FARP1: variants seen among roughly 807,000 people sequenced by gnomAD.
The protein encoded by FARP1 is FERM, ARH/RhoGEF and pleckstrin domain protein 1, also known as FERM, ARHGEF and pleckstrin domain-containing protein 1.
Under a neutral mutation model 128.8 loss-of-function variants are expected in FARP1, and 52 were observed. The ratio of observed to expected loss-of-function variants is 0.40; its 90% CI spans 0.32 to 0.51. FARP1 has a LOEUF of 0.51. FARP1 is among the 20% of genes least tolerant of loss of function. The probability of loss-of-function intolerance (pLI) is 0.45; values close to 1 mark genes in which losing one functional copy is unlikely to be tolerated. For missense variants in FARP1, 1,333 were observed against 1,367.9 expected, an observed-to-expected ratio of 0.97 and a Z score of 0.40; for synonymous variants, 580 against 551.8, an observed-to-expected ratio of 1.05 and a Z score of -0.72.
chr13:98,214,166 G>C (rs2139330776), intron 2 of FARP1, among the ~76,000 whole-genome samples: 1 of 152,292 alleles, frequency 6.6e-6, no homozygotes, highest in Non-Finnish European at 1.5e-5. Flanking sequence ...GCCCCTGCCT[G>C]GCCTCTCCCA....
At chr13:98,217,405 G>T (rs1244140605) in intron 2 of FARP1, among the ~76,000 whole-genome samples, 1 of 152,158 alleles carries the variant, frequency 6.6e-6, no homozygotes, top group Non-Finnish European at 1.5e-5. Flanking sequence ...AGCCCCCCAG[G>T]AGAGCAGGGG....
At chr13:98,279,347 A>G (rs1388139456) in intron 2 of FARP1, among the ~76,000 whole-genome samples, 1 of 141,872 alleles carries the variant, frequency 7.0e-6, no homozygotes, top group Non-Finnish European at 1.5e-5. Context: ...TGTTGAAATA[A>G]TAATGATTGT....
At chr13:98,265,342 C>T (rs1341270516) in intron 2 of FARP1, among the ~76,000 whole-genome samples, 20 of 56,916 alleles carry the variant, frequency 3.5e-4, no homozygotes, top group Admixed American at 7.8e-4. Flanking sequence ...TTTTTTGAGA[C>T]GGAGTCTCGC....
chr13:98,348,208 C>G (rs1210627774), intron 3 of FARP1, among the ~76,000 whole-genome samples: 1 of 152,220 alleles, frequency 6.6e-6, no homozygotes, highest in African/African-American at 2.4e-5. Flanking sequence ...AGTGTTGACA[C>G]GCAAGCTTGG....
At chr13:98,374,597 C>T (rs1889499852) in intron 5 of FARP1, among the ~76,000 whole-genome samples, 1 of 152,198 alleles carries the variant, frequency 6.6e-6, no homozygotes, top group Non-Finnish European at 1.5e-5. Flanking sequence ...ATCCTACTTT[C>T]TGAATTTGCC....
intron 2 of FARP1, among the ~76,000 whole-genome samples, chr13:98,243,465 G>T (rs965207615): frequency 6.6e-6 from 1 of 151,956 alleles, no homozygotes; most frequent in Non-Finnish European, 1.5e-5. Flanking sequence ...GAAGGCTGAG[G>T]GGGGTGGATC....
intron 16 of FARP1, among the ~76,000 whole-genome samples, chr13:98,422,884 G>T (rs772969856): frequency 3.9e-5 from 6 of 152,136 alleles, no homozygotes; most frequent in Non-Finnish European, 7.3e-5. Context: ...GGGTTCTCTA[G>T]AGGGACAGAG....
chr13:98,172,552 A>C (rs9517206), intron 1 of FARP1, among the ~76,000 whole-genome samples: 23,682 of 152,124 alleles, frequency 0.16, 2,348 homozygotes, highest in Middle Eastern at 0.25. Flanking sequence ...TTCAACAGAC[A>C]GAAGCAGAGA....
intron 2 of FARP1, among the ~76,000 whole-genome samples, chr13:98,264,831 T>C (rs958229394): frequency 6.6e-6 from 1 of 152,212 alleles, no homozygotes; most frequent in African/African-American, 2.4e-5. Flanking sequence ...TCGAATAGAA[T>C]TACTATTCGA....
chr13:98,266,516 T>G (rs932714180), intron 2 of FARP1, among the ~76,000 whole-genome samples: 7 of 152,172 alleles, frequency 4.6e-5, no homozygotes, highest in African/African-American at 1.7e-4. Flanking sequence ...GGTGTGAACA[T>G]TAACCCAGAA....
rs117393453 is a variant in FARP1 at position 98,315,177 on chromosome 13, G to A, written c.172-28585G>A. On this transcript the variant is annotated intron_variant, in intron 2 of 26. Coordinates refer to ENST00000319562, the MANE Select transcript of FARP1 (RefSeq NM_005766.4). Reference sequence around the variant, plus strand: ...ACAGGGTCTTGCCCTGTCACTCAGGGTGGAGTGCTGTGGTGTGATTCTGGC... The same window carrying A: ...ACAGGGTCTTGCCCTGTCACTCAGGATGGAGTGCTGTGGTGTGATTCTGGC... Among the ~76,000 whole-genome samples the A allele has an allele frequency of 8.0e-3, 1,211 of 152,244 alleles. 7 individuals are homozygous for A. Among genetic ancestry groups the A allele is most frequent in the Non-Finnish European group, 0.012 (830 of 68,024 alleles).
intron 1 of FARP1, among the ~76,000 whole-genome samples, chr13:98,158,913 T>C (rs912746303): frequency 2.0e-5 from 3 of 152,186 alleles, no homozygotes; most frequent in African/African-American, 7.2e-5. Context: ...GCTCCTCCAT[T>C]CCTTGGAGAG....
chr13:98,192,610 C>A (rs543357638), intron 1 of FARP1, among the ~76,000 whole-genome samples: 1 of 151,912 alleles, frequency 6.6e-6, no homozygotes, highest in Non-Finnish European at 1.5e-5. Context: ...AGGCTGGTCT[C>A]CAACTCCTGA....
intron 2 of FARP1, among the ~76,000 whole-genome samples, chr13:98,308,044 T>TCCC (rs1886260949): frequency 2.5e-4 from 2 of 8,120 alleles, no homozygotes; most frequent in African/African-American, 1.7e-4. Context: ...TTTTTTTTTT[T>TCCC]TTTTTTTTTT....
At chr13:98,379,945 C>G (rs1342447602) in intron 6 of FARP1, among the ~76,000 whole-genome samples, 1 of 152,140 alleles carries the variant, frequency 6.6e-6, no homozygotes, top group African/African-American at 2.4e-5. Context: ...TTTCCTTTAT[C>G]CTTATTCACC....
chr13:98,313,242 T>TACAC (rs71111943), intron 2 of FARP1, among the ~76,000 whole-genome samples: 18,427 of 119,852 alleles, frequency 0.15, 2,007 homozygotes, highest in Non-Finnish European at 0.22. Context: ...TGGGTCATAA[T>TACAC]ACACACACAC....
intron 11 of FARP1, among the ~76,000 whole-genome samples, chr13:98,392,323 C>CAAAAAAAAAAAAAAA (rs11289484): frequency 2.8e-4 from 17 of 60,420 alleles, no homozygotes; most frequent in African/African-American, 9.8e-4. Flanking sequence ...CATCTCTACC[C>CAAAAAAAAAAAAAAA]AAAAAAAAAA....
chr13:98,300,954 C>T (rs925437490), intron 2 of FARP1, among the ~76,000 whole-genome samples: 3 of 152,150 alleles, frequency 2.0e-5, no homozygotes, highest in Non-Finnish European at 4.4e-5. Context: ...CAGGTCTCTC[C>T]AACCCTGGAA....
intron 1 of FARP1, among the ~76,000 whole-genome samples, chr13:98,192,097 A>G (rs1879267975): frequency 6.6e-6 from 1 of 152,182 alleles, no homozygotes; most frequent in Admixed American, 6.5e-5. Flanking sequence ...TTTAAAAAAA[A>G]AACAAACTTT....
Sources: allele counts gnomAD v4.1 joint callset (sites outside exome capture counted in the v4.1 genomes callset), GRCh38; gene constraint gnomAD v4.1.1; transcripts MANE v1.5; gene names NCBI Gene and HGNC (gene_info 2026-07-23, HGNC 2026-07-21).